The following USH2A variants were observed in gnomAD, a reference collection of about 807,000 sequenced individuals.
The protein encoded by USH2A is usherin.
In USH2A, 443 loss-of-function variants were observed where a neutral mutation model predicts 538.9. The observed-to-expected ratio is 0.82, with a 90% CI of 0.76 to 0.89. The LOEUF is 0.89. Among genes scored for constraint, USH2A ranks in the 40% least tolerant of loss-of-function variants. USH2A has a pLI of 0.00. For synonymous variants in USH2A, 2,413 were observed against 2,273.5 expected, an observed-to-expected ratio of 1.06 and a Z score of -1.75; for missense variants, 6,633 against 6,324.8, an observed-to-expected ratio of 1.05 and a Z score of -1.65.
chr1:215,850,651 A>G (rs748739345), intron 44 of USH2A, among the ~76,000 whole-genome samples: 22 of 152,204 alleles, frequency 1.4e-4, no homozygotes, highest in Admixed American at 2.0e-4. Flanking sequence ...CAGAAAGTCA[A>G]CAAAGAAACA....
intron 40 of USH2A, among the ~76,000 whole-genome samples, chr1:215,894,737 C>G (rs1013350531): frequency 2.6e-5 from 4 of 152,018 alleles, no homozygotes; most frequent in Non-Finnish European, 4.4e-5. Context: ...TTGGGATGTC[C>G]CTCTCTTACA....
chr1:216,087,232 T>C (rs1393221591), intron 23 of USH2A, among the ~76,000 whole-genome samples: 1 of 152,186 alleles, frequency 6.6e-6, no homozygotes, highest in Non-Finnish European at 1.5e-5. Flanking sequence ...GTGTTTGTTT[T>C]TCCAGAGCCC....
intron 44 of USH2A, among the ~76,000 whole-genome samples, chr1:215,850,690 T>C (rs149679173): frequency 2.6e-5 from 4 of 152,276 alleles, no homozygotes; most frequent in African/African-American, 4.8e-5. Flanking sequence ...CTAGAACAAA[T>C]AGACTTAACA....
intron 44 of USH2A, among the ~76,000 whole-genome samples, chr1:215,866,137 A>G (rs761072197): frequency 6.6e-6 from 1 of 152,298 alleles, no homozygotes; most frequent in South Asian, 2.1e-4. Context: ...TATTCTGACA[A>G]GTTTTGATGA....
In USH2A at chr1:215,936,290, A is replaced by T. The variant is rs146532816; in HGVS notation, c.7121-1495T>A. Among the ~76,000 whole-genome samples the T allele has an allele frequency of 7.7e-3, 1,173 of 152,198 alleles. 10 individuals are homozygous for T. Among genetic ancestry groups the T allele is most frequent in the African/African-American group, 0.027 (1,124 of 41,570 alleles). On this transcript the variant is annotated intron_variant, in intron 37 of 71. Transcript: ENST00000307340. ...GGCATCATACTAAAAGTGATCTTGC[A>T]TCGTATAGTATACAAAATGCAAGGT... is the stretch of plus-strand genomic sequence containing the variant.
At chr1:215,745,433 A>G (rs1032479586) in intron 58 of USH2A, among the ~76,000 whole-genome samples, 2 of 152,134 alleles carry the variant, frequency 1.3e-5, no homozygotes, top group Non-Finnish European at 1.5e-5. Context: ...AGTCATTTCA[A>G]TGCATCCCTG....
Position 215,965,369 on chromosome 1 carries a change from A to G in USH2A, c.7068T>C (p.Asn2356=), listed in dbSNP as rs200038092. The part of the protein sequence containing the change: ...HVRWEAPFRP[N]GLLTHSVLFT... ...AAAGGACTGAGTGTGTTAAGAGTCCATTAGGGCGAAAAGGTGCTTCCCACC... is the reference window on the plus strand; with the variant it reads ...AAAGGACTGAGTGTGTTAAGAGTCCGTTAGGGCGAAAAGGTGCTTCCCACC... Residue 2356 remains asparagine, a synonymous_variant, in exon 37 of 72, where the codon AAT becomes AAC. Transcript: ENST00000307340. 1.9e-6 allele frequency: 3 copies of G among 1,613,818 alleles called. No homozygotes were observed. Among genetic ancestry groups the G allele is most frequent in the African/African-American group, 2.7e-5 (2 of 74,920 alleles).
At chr1:216,153,867 C>T (rs767830044) in intron 21 of USH2A, among the ~76,000 whole-genome samples, 3 of 152,162 alleles carry the variant, frequency 2.0e-5, no homozygotes, top group Non-Finnish European at 4.4e-5. Context: ...TGCCTCCACT[C>T]AACACATTTT....
intron 64 of USH2A, among the ~76,000 whole-genome samples, chr1:215,670,424 A>C (rs1220916661): frequency 1.3e-5 from 2 of 152,202 alleles, no homozygotes; most frequent in African/African-American, 4.8e-5. Context: ...AGAATTCACC[A>C]TATTTTCTGA....
At chr1:215,950,319 A>G (rs974438821) in intron 37 of USH2A, among the ~76,000 whole-genome samples, 2 of 152,124 alleles carry the variant, frequency 1.3e-5, no homozygotes, top group African/African-American at 4.8e-5. Flanking sequence ...TGAATATTAA[A>G]TACTTGTTAT....
chr1:216,320,400 T>C (rs2037582795), intron 9 of USH2A, among the ~76,000 whole-genome samples: 1 of 152,174 alleles, frequency 6.6e-6, no homozygotes, highest in Admixed American at 6.5e-5. Context: ...GTCTCAGGTC[T>C]TCCTGTACAG....
At chr1:216,273,475 T>G (rs2036612370) in intron 11 of USH2A, among the ~76,000 whole-genome samples, 1 of 151,860 alleles carries the variant, frequency 6.6e-6, no homozygotes, top group South Asian at 2.1e-4. Flanking sequence ...GGTTTCTCAT[T>G]GGCAATGAAA....
chr1:216,217,333 A>C, intron 15 of USH2A, 54 bp downstream of exon 15: 2 of 1,603,840 alleles, frequency 1.2e-6, no homozygotes, highest in Non-Finnish European at 1.7e-6. Context: ...AATGAGATGC[A>C]GTCCCCTGTA....
intron 38 of USH2A, among the ~76,000 whole-genome samples, chr1:215,919,054 G>A (rs1432198911): frequency 1.3e-5 from 2 of 151,866 alleles, no homozygotes; most frequent in African/African-American, 4.8e-5. Flanking sequence ...AGAAAAATAT[G>A]GTAATCAATA....
chr1:216,291,424 C>A (rs928965229), intron 10 of USH2A, among the ~76,000 whole-genome samples: 1 of 152,272 alleles, frequency 6.6e-6, no homozygotes, highest in South Asian at 2.1e-4. Flanking sequence ...AATAGTCTGT[C>A]TTTCCCACTG....
At chr1:215,805,126 G>C (rs1662459337) in intron 49 of USH2A, among the ~76,000 whole-genome samples, 1 of 151,910 alleles carries the variant, frequency 6.6e-6, no homozygotes, top group Admixed American at 6.6e-5. Context: ...ACACACAGGG[G>C]CCTGTTGTGG....
chr1:216,377,149 C>T lies in USH2A; in HGVS notation c.652-12064G>A, dbSNP rs117905522. Among the ~76,000 whole-genome samples the T allele has an allele frequency of 1.8e-4, 27 of 152,214 alleles. No homozygotes were observed. The East Asian group carries it at 5.2e-3, about 29-fold the overall frequency. ...GTTAAACAAAAGGAAAAATCTGAAT[C>T]TCTTTAAGCTCCTTCAGAGAACTGT... On this transcript the variant is annotated intron_variant, in intron 3 of 71. Transcript: ENST00000307340.
In USH2A at chr1:215,675,437, C is replaced by T. The variant is rs1657989183; in HGVS notation, c.12474G>A (p.Gln4158=). The stretch of plus-strand genomic sequence containing the variant: ...TCACAGAGTGGACAGTAGGAGCCAG[C>T]TGAGAGTCTGGAGGGGCTTCATCTG... ...LWTDEAPPDS[Q]LAPTVHSVKS... The change falls in exon 63 of 72, where the codon CAG becomes CAA. Residue 4158 remains glutamine, a synonymous_variant. Coordinates refer to ENST00000307340, the MANE Select transcript of USH2A (RefSeq NM_206933.4). 4 of 1,613,978 alleles carry T rather than the reference C, an allele frequency of 2.5e-6. No individual in the cohort carries two copies. The highest frequency in any genetic ancestry group is 3.4e-6 in the Non-Finnish European group (4 of 1,179,880).
At chr1:215,998,792 T>G (rs1668195441) in intron 34 of USH2A, 95 bp downstream of exon 34, 4 of 1,413,818 alleles carry the variant, frequency 2.8e-6, no homozygotes, top group South Asian at 2.4e-5. Flanking sequence ...TTGACTTTTT[T>G]TTTTTTAAGT....
Sources: gnomAD v4.1 joint callset for allele counts (sites outside exome capture counted in the v4.1 genomes callset) on GRCh38, gnomAD v4.1.1 for gene constraint, MANE v1.5 for transcripts, NCBI Gene and HGNC (gene_info 2026-07-23, HGNC 2026-07-21) for gene names.